Variants in GFRA1 observed in about 807,000 individuals in gnomAD.
The protein encoded by GFRA1 is GDNF family receptor alpha-1.
GFRA1 carries 16 observed loss-of-function variants against 51.6 expected under a neutral mutation model. The observed-to-expected ratio is 0.31, with a 90% CI of 0.21 to 0.47. The LOEUF is 0.47. Ranked by LOEUF, GFRA1 falls within the 20% of genes least tolerant of loss-of-function variation. GFRA1 has a pLI of 1.00. For missense variants in GFRA1, 530 were observed against 594.3 expected, an observed-to-expected ratio of 0.89 and a Z score of 1.13; for synonymous variants, 270 against 241.3, an observed-to-expected ratio of 1.12 and a Z score of -1.10.
At chr10:116,091,304 A>G (rs747635140) in intron 8 of GFRA1, among the ~76,000 whole-genome samples, 9 of 152,222 alleles carry the variant, frequency 5.9e-5, no homozygotes, top group Non-Finnish European at 1.0e-4. Context: ...AACAACATCA[A>G]CAAAAGATAA....
chr10:116,061,824 CA>C lies in GFRA1; in HGVS notation c.*2573del. On this transcript the variant is annotated 3_prime_UTR_variant, in exon 11 of 11. Coordinates refer to ENST00000355422, the MANE Select transcript of GFRA1 (RefSeq NM_005264.8). ...AACTTATTGTGCTCCAGTTCTGGGGCAAATGATGGTGTTTTAGGGTCACCGT... is the reference window on the plus strand; with the variant it reads ...AACTTATTGTGCTCCAGTTCTGGGGCAATGATGGTGTTTTAGGGTCACCGT... 2 of 396,322 alleles carry C rather than the reference CA, an allele frequency of 5.0e-6. No individual in the cohort carries two copies. The highest frequency in any genetic ancestry group is 6.3e-4 in the Middle Eastern group (1 of 1,576). The allele number at this position is 396,322 out of a possible 1,614,324, so 24.6% of individuals were successfully genotyped here.
intron 9 of GFRA1, among the ~76,000 whole-genome samples, chr10:116,078,675 A>G (rs1373657485): frequency 6.6e-6 from 1 of 152,092 alleles, no homozygotes; most frequent in Non-Finnish European, 1.5e-5. Flanking sequence ...AGCCAAGGTT[A>G]GATATAGCCA....
chr10:116,250,933 G>T (rs561680371), intron 4 of GFRA1, among the ~76,000 whole-genome samples: 1 of 152,186 alleles, frequency 6.6e-6, no homozygotes, highest in African/African-American at 2.4e-5. Context: ...GCCCGCCTGG[G>T]GTCCTTGGAG....
Position 116,125,220 on chromosome 10 carries a change from C to T in GFRA1, c.770+1G>A. The T allele has an allele frequency of 6.2e-7, 1 of 1,613,216 alleles. No homozygotes were observed. The highest frequency in any genetic ancestry group is 8.5e-7 in the Non-Finnish European group (1 of 1,179,156). On this transcript the variant is annotated splice_donor_variant, in intron 6 of 10. Transcript: ENST00000355422. LOFTEE classifies it high-confidence loss of function. Reference sequence around the variant, plus strand: ...ATCACCAGCTGCCAGTGCCCACTTACCTGCAGATGTAATTCGTCTTGCAGG... The same window carrying T: ...ATCACCAGCTGCCAGTGCCCACTTATCTGCAGATGTAATTCGTCTTGCAGG...
chr10:116,105,331 G>GA, intron 6 of GFRA1, among the ~76,000 whole-genome samples: 1 of 152,308 alleles, frequency 6.6e-6, no homozygotes, highest in East Asian at 1.9e-4. Context: ...GATGTTCAAT[G>GA]AATCTTTCAC....
intron 6 of GFRA1, among the ~76,000 whole-genome samples, chr10:116,121,013 C>T (rs1470641620): frequency 2.6e-5 from 4 of 152,046 alleles, no homozygotes; most frequent in African/African-American, 7.2e-5. Context: ...TGTGGTTCTT[C>T]GATGGAAACA....
At chr10:116,219,784 C>T (rs1240002164) in intron 4 of GFRA1, among the ~76,000 whole-genome samples, 1 of 152,192 alleles carries the variant, frequency 6.6e-6, no homozygotes, top group Non-Finnish European at 1.5e-5. Flanking sequence ...TACGTTATAG[C>T]TGTGATTAGC....
At chr10:116,173,952 T>C (rs934201537) in intron 5 of GFRA1, among the ~76,000 whole-genome samples, 41 of 152,176 alleles carry the variant, frequency 2.7e-4, no homozygotes, top group African/African-American at 9.4e-4. Flanking sequence ...TGGTGGTGCA[T>C]GCCTGTAATC....
At chr10:116,156,803 C>A (rs1959213069) in intron 5 of GFRA1, among the ~76,000 whole-genome samples, 2 of 149,984 alleles carry the variant, frequency 1.3e-5, no homozygotes, top group African/African-American at 2.4e-5. Flanking sequence ...TCATTGCAGG[C>A]TTTACACTGT....
chr10:116,147,041 TGTGAGA>T (rs748091257), intron 5 of GFRA1, among the ~76,000 whole-genome samples: 7 of 117,706 alleles, frequency 5.9e-5, no homozygotes, highest in African/African-American at 2.1e-4. Flanking sequence ...TGTGTGTGTG[TGTGAGA>T]GAGAGAGAGA....
chr10:116,064,718 A>G (rs113720737), intron 10 of GFRA1, among the ~76,000 whole-genome samples, 174 bp from the exon 11 acceptor site: 84 of 152,252 alleles, frequency 5.5e-4, no homozygotes, highest in African/African-American at 1.8e-3. Context: ...GGAAGAAACC[A>G]TGAACCTGGG....
intron 5 of GFRA1, among the ~76,000 whole-genome samples, chr10:116,154,987 A>G (rs1959172370): frequency 6.6e-6 from 1 of 152,104 alleles, no homozygotes; most frequent in South Asian, 2.1e-4. Flanking sequence ...ACTGCTTGAG[A>G]CCTTACCTAC....
rs560125742 is a variant in GFRA1 at position 116,263,767 on chromosome 10, C to G, written c.418+5736G>C. 7.2e-5 allele frequency among the ~76,000 whole-genome samples: 11 copies of G among 152,194 alleles called. No homozygotes were observed. In the East Asian group the frequency reaches 2.1e-3, roughly 29 times the overall value. The stretch of plus-strand genomic sequence containing the variant: ...GAAGCTAGGGAAGTCAGCTGGAAAG[C>G]CCATGCAGAGTTCAAGTGAGAGATA... On this transcript the variant is annotated intron_variant, in intron 4 of 10. Coordinates refer to ENST00000355422, the MANE Select transcript of GFRA1 (RefSeq NM_005264.8).
chr10:116,271,167 G>C, intron 2 of GFRA1, 52 bp from the exon 3 acceptor site: 3 of 1,514,364 alleles, frequency 2.0e-6, no homozygotes, highest in Non-Finnish European at 8.9e-7. Context: ...GACCCCGGCC[G>C]CCCCTGCTCC....
At position 116,135,652 on chromosome 10, in the gene GFRA1, A is replaced by T. The variant is rs117952329; in HGVS notation, c.434-10095T>A. Among the ~76,000 whole-genome samples, 1,231 of 152,362 alleles carry T rather than the reference A, an allele frequency of 8.1e-3. 4 individuals are homozygous for T. Among genetic ancestry groups the T allele is most frequent in the Non-Finnish European group, 0.012 (805 of 68,040 alleles). On this transcript the variant is annotated intron_variant, in intron 5 of 10. Transcript: ENST00000355422. ...ATTAGACATAAAAACACTCATTAAA[A>T]TATATTTTATCTAATGTAAGATTGA...
upstream of GFRA1, among the ~76,000 whole-genome samples, chr10:116,274,434 T>C (rs777418482): frequency 7.2e-5 from 11 of 152,152 alleles, no homozygotes; most frequent in Admixed American, 2.0e-4. Flanking sequence ...GGGGGGTAAA[T>C]TGAAAAGGGC....
intron 5 of GFRA1, among the ~76,000 whole-genome samples, chr10:116,154,902 A>G (rs1247075825): frequency 6.6e-6 from 1 of 152,072 alleles, no homozygotes; most frequent in East Asian, 1.9e-4. Flanking sequence ...CTGACTCATC[A>G]GTGGAGATGA....
intron 5 of GFRA1, among the ~76,000 whole-genome samples, chr10:116,145,148 C>CAAAAAAAAA (rs58509181): frequency 3.5e-5 from 1 of 28,734 alleles, no homozygotes; most frequent in Non-Finnish European, 5.7e-5. Flanking sequence ...GACTCTGTCT[C>CAAAAAAAAA]AAAAAAAAAA....
intron 5 of GFRA1, among the ~76,000 whole-genome samples, chr10:116,131,426 G>A (rs907274193): frequency 3.9e-5 from 6 of 152,126 alleles, no homozygotes; most frequent in African/African-American, 1.4e-4. Context: ...AAGAGAACTT[G>A]AACATATGTC....
Sources: gnomAD v4.1 joint callset for allele counts (sites outside exome capture counted in the v4.1 genomes callset) on GRCh38, gnomAD v4.1.1 for gene constraint, MANE v1.5 for transcripts, NCBI Gene and HGNC (gene_info 2026-07-23, HGNC 2026-07-21) for gene names.